DOK6: variants seen among roughly 807,000 people sequenced by gnomAD.
DOK6 encodes docking protein 6, also known as downstream of tyrosine kinase 6.
A neutral mutation model predicts 44.0 loss-of-function variants in DOK6; 22 were observed. The ratio of observed to expected loss-of-function variants is 0.50; its 90% confidence interval spans 0.36 to 0.71. The LOEUF is 0.71. Among genes scored for constraint, DOK6 ranks in the 30% least tolerant of loss-of-function variants. DOK6 has a pLI of 0.00. For synonymous variants in DOK6, 166 were observed against 145.5 expected, an observed-to-expected ratio of 1.14 and a Z score of -1.01; for missense variants, 340 against 416.4, an observed-to-expected ratio of 0.82 and a Z score of 1.60.
rs547810849 is a variant in DOK6 at position 69,489,995 on chromosome 18, A to G, written c.67-74492A>G. On this transcript the variant is annotated intron_variant, in intron 1 of 7. Coordinates refer to ENST00000382713, the MANE Select transcript of DOK6 (RefSeq NM_152721.6). The stretch of plus-strand genomic sequence containing the variant: ...GACAAATTCTGCCGTATTCACTGCA[A>G]CATTGTAGGCTGCCATGTCATAGTT... 8.5e-5 allele frequency among the ~76,000 whole-genome samples: 13 copies of G among 152,302 alleles called. No homozygotes were observed. The East Asian group carries it at 2.5e-3, about 29-fold the overall frequency.
At position 69,619,658 on chromosome 18, in the gene DOK6, A is replaced by G. The variant is rs537403835; in HGVS notation, c.289+20160A>G. ...AGGAAAATGAATGAACTAATTGTCCACCAGTTTGTTATTGGCGTAAAATAC... is the reference window on the plus strand; with the variant it reads ...AGGAAAATGAATGAACTAATTGTCCGCCAGTTTGTTATTGGCGTAAAATAC... On this transcript the variant is annotated intron_variant, in intron 3 of 7. Transcript: ENST00000382713. Among the ~76,000 whole-genome samples the G allele has an allele frequency of 2.0e-5, 3 of 152,370 alleles. No individual in the cohort carries two copies. The East Asian group carries it at 5.8e-4, about 29-fold the overall frequency.
intron 1 of DOK6, chr18:69,469,673 G>T: frequency 3.9e-6 from 1 of 254,826 alleles, no homozygotes; most frequent in South Asian, 3.8e-5. Flanking sequence ...GGGCACTGCC[G>T]CCCCGGAGAT....
intron 1 of DOK6, among the ~76,000 whole-genome samples, chr18:69,540,046 TGTCAAATGC>T (rs1982228708): frequency 6.6e-6 from 1 of 151,732 alleles, no homozygotes; most frequent in Non-Finnish European, 1.5e-5. Context: ...TGTCAAATGC[TGTCAAATGC>T]TTATAAAACC....
intron 7 of DOK6, among the ~76,000 whole-genome samples, chr18:69,809,274 C>A (rs1981145212): frequency 6.6e-6 from 1 of 151,610 alleles, no homozygotes; most frequent in Non-Finnish European, 1.5e-5. Context: ...AGAAAAACCT[C>A]AATAAATTAG....
chr18:69,562,676 A>G (rs1208861077), intron 1 of DOK6, among the ~76,000 whole-genome samples: 1 of 152,252 alleles, frequency 6.6e-6, no homozygotes, highest in Non-Finnish European at 1.5e-5. Context: ...CTTAAATGTC[A>G]GACCTAAAAC....
chr18:69,506,439 T>C (rs1366917688), intron 1 of DOK6, among the ~76,000 whole-genome samples: 1 of 152,134 alleles, frequency 6.6e-6, no homozygotes, highest in African/African-American at 2.4e-5. Flanking sequence ...TGACAACCTA[T>C]GATTTGTTAA....
At chr18:69,630,664 C>T (rs1299851135) in intron 3 of DOK6, among the ~76,000 whole-genome samples, 2 of 152,110 alleles carry the variant, frequency 1.3e-5, no homozygotes, top group African/African-American at 4.8e-5. Context: ...TTTCACAAAG[C>T]ATTAGTCATT....
intron 1 of DOK6, among the ~76,000 whole-genome samples, chr18:69,517,016 G>A (rs1017511): frequency 0.014 from 2,080 of 152,064 alleles, 41 homozygotes; most frequent in African/African-American, 0.048. Flanking sequence ...CTCTTTCTCC[G>A]TCTACAAGAA....
rs550584195 is a variant in DOK6 at position 69,744,397 on chromosome 18, C to T, written c.738+5294C>T. 4.0e-5 allele frequency among the ~76,000 whole-genome samples: 6 copies of T among 151,084 alleles called. 1 individual carries two copies. In the South Asian group the frequency reaches 1.3e-3, roughly 32 times the overall value. On this transcript the variant is annotated intron_variant, in intron 6 of 7. Coordinates refer to ENST00000382713, the MANE Select transcript of DOK6 (RefSeq NM_152721.6). The stretch of plus-strand genomic sequence containing the variant: ...ATCACTCAATATTACCAATGTTAAT[C>T]ATAAGATTAGAGCTTTTGATTGCTG...
intron 1 of DOK6, among the ~76,000 whole-genome samples, chr18:69,403,019 A>G (rs1465887060): frequency 6.6e-6 from 1 of 151,950 alleles, no homozygotes; most frequent in Non-Finnish European, 1.5e-5. Context: ...TCTTAGCTTG[A>G]CCTTTGAAGC....
intron 1 of DOK6, among the ~76,000 whole-genome samples, chr18:69,557,416 CT>C (rs1982714843): frequency 6.6e-6 from 1 of 152,182 alleles, no homozygotes; most frequent in Non-Finnish European, 1.5e-5. Flanking sequence ...AATCTGCCAC[CT>C]ACTTCACAGT....
intron 1 of DOK6, among the ~76,000 whole-genome samples, chr18:69,509,492 GC>G (rs1256456941): frequency 6.6e-6 from 1 of 151,978 alleles, no homozygotes; most frequent in African/African-American, 2.4e-5. Flanking sequence ...GAAAAAATTA[GC>G]CGGGCGTGGT....
At chr18:69,418,159 T>C (rs932067595) in intron 1 of DOK6, among the ~76,000 whole-genome samples, 10 of 152,156 alleles carry the variant, frequency 6.6e-5, no homozygotes, top group African/African-American at 2.4e-4. Context: ...ATTTCCCTAA[T>C]GTTTTCTTCA....
At chr18:69,658,665 G>A (rs756423553) in intron 3 of DOK6, among the ~76,000 whole-genome samples, 9 of 152,066 alleles carry the variant, frequency 5.9e-5, no homozygotes, top group South Asian at 4.1e-4. Context: ...GTAGCAGTTC[G>A]CTGTATTTCT....
intron 3 of DOK6, among the ~76,000 whole-genome samples, chr18:69,622,029 G>C (rs1289287116): frequency 6.6e-6 from 1 of 152,154 alleles, no homozygotes; most frequent in Non-Finnish European, 1.5e-5. Flanking sequence ...TATAGTAACA[G>C]ATTTTATGTT....
chr18:69,635,274 TTC>T (rs902573981), intron 3 of DOK6, among the ~76,000 whole-genome samples: 2 of 151,126 alleles, frequency 1.3e-5, no homozygotes, highest in African/African-American at 4.9e-5. Flanking sequence ...TTCGATATTT[TTC>T]TCTTTTTTTC....
intron 1 of DOK6, among the ~76,000 whole-genome samples, chr18:69,529,631 T>C (rs1266824758): frequency 6.6e-6 from 1 of 152,210 alleles, no homozygotes; most frequent in African/African-American, 2.4e-5. Flanking sequence ...CTACTATATT[T>C]TCTTCCTTTA....
intron 3 of DOK6, among the ~76,000 whole-genome samples, chr18:69,603,770 CAAAAAAA>C (rs55654660): frequency 1.3e-5 from 1 of 74,346 alleles, no homozygotes; most frequent in African/African-American, 5.3e-5. Context: ...GACTCCGTCT[CAAAAAAA>C]AAAAAAAAAA....
Position 69,600,689 on chromosome 18 carries a change from A to G in DOK6, c.289+1191A>G, listed in dbSNP as rs77818136. 7.6e-3 allele frequency among the ~76,000 whole-genome samples: 1,161 copies of G among 152,230 alleles called. 15 individuals are homozygous for G. Among genetic ancestry groups the G allele is most frequent in the African/African-American group, 0.026 (1,093 of 41,540 alleles). On this transcript the variant is annotated intron_variant, in intron 3 of 7. Transcript: ENST00000382713. ...AACTAGTATTTAAAAAAAAACTAAA[A>G]GGTAATGTTTAATATTTAAATTTCT...
Sources: allele counts gnomAD v4.1 joint callset (sites outside exome capture counted in the v4.1 genomes callset), GRCh38; gene constraint gnomAD v4.1.1; transcripts MANE v1.5; gene names NCBI Gene and HGNC (gene_info 2026-07-23, HGNC 2026-07-21).